CA13: variants seen among roughly 807,000 people sequenced by gnomAD.
CA13 encodes CA-XIII.
In CA13, 21 loss-of-function variants were observed where a neutral mutation model predicts 31.5. The observed-to-expected ratio is 0.67, with a 90% CI of 0.47 to 0.96. CA13 has a LOEUF of 0.96. CA13 is among the 40% of genes least tolerant of loss of function. CA13 has a pLI of 0.00. For synonymous variants in CA13, 117 were observed against 111.4 expected (o/e 1.05, Z -0.32); for missense variants, 315 against 318.9 (o/e 0.99, Z 0.09).
At chr8:85,261,779 G>T (rs1392717035) in intron 3 of CA13, among the ~76,000 whole-genome samples, 1 of 152,112 alleles carries the variant, frequency 6.6e-6, no homozygotes, top group Admixed American at 6.5e-5. Flanking sequence ...ATCTAACAAA[G>T]AAACTATGAC....
At chr8:85,269,538 G>C (rs1219367083) in intron 6 of CA13, among the ~76,000 whole-genome samples, 1 of 152,194 alleles carries the variant, frequency 6.6e-6, no homozygotes, top group Non-Finnish European at 1.5e-5. Flanking sequence ...GAATGAGAGG[G>C]AGAGGAGGAA....
At chr8:85,278,589 G>A (rs1022722395) in intron 6 of CA13, among the ~76,000 whole-genome samples, 16 of 152,202 alleles carry the variant, frequency 1.1e-4, no homozygotes, top group African/African-American at 2.9e-4. Context: ...CCACTAAAAT[G>A]ATACGATGTT....
intron 3 of CA13, among the ~76,000 whole-genome samples, chr8:85,260,240 T>G (rs941152322): frequency 6.6e-6 from 1 of 152,214 alleles, no homozygotes; most frequent in Non-Finnish European, 1.5e-5. Flanking sequence ...TTTTAATCCT[T>G]TGGTTAAAGA....
chr8:85,245,893 G>A (rs771258100), intron 1 of CA13, 28 bp downstream of exon 1: 9 of 1,613,854 alleles, frequency 5.6e-6, no homozygotes, highest in Admixed American at 1.7e-5. Context: ...ATCCAAGGGG[G>A]GGTTTGTGCG....
chr8:85,267,961 A>G lies in CA13; in HGVS notation c.510A>G (p.Glu170=). The change falls in exon 5 of 7, where the codon GAA becomes GAG. Residue 170 remains glutamate (E), a synonymous_variant. Coordinates refer to ENST00000321764, the MANE Select transcript of CA13 (RefSeq NM_198584.3). ...CTGACACTTTGGATTCCATTAAAGA[A>G]AAGGTAAAATGAATTACTGTTAATA... ...KITDTLDSIK[E]KGKQTRFTNF... The G allele has an allele frequency of 6.4e-7, 1 of 1,564,272 alleles. No individual in the cohort carries two copies. Among genetic ancestry groups the G allele is most frequent in the Non-Finnish European group, 8.8e-7 (1 of 1,138,566 alleles).
chr8:85,268,952 A>G (rs770825190), intron 6 of CA13, among the ~76,000 whole-genome samples: 1 of 152,132 alleles, frequency 6.6e-6, no homozygotes, highest in Non-Finnish European at 1.5e-5. Context: ...AAAATGAAAA[A>G]TGGGGATATA....
intron 3 of CA13, 42 bp downstream of exon 3, chr8:85,259,581 TG>T (rs1807350003): frequency 1.9e-6 from 3 of 1,546,018 alleles, no homozygotes; most frequent in Non-Finnish European, 2.7e-6. Context: ...TTTTCCCACA[TG>T]GTGGAATTTA....
At position 85,281,520 on chromosome 8, in the gene CA13, T is replaced by A. The variant is rs978572698; in HGVS notation, c.*171T>A. On this transcript the variant is annotated 3_prime_UTR_variant, in exon 7 of 7. Coordinates refer to ENST00000321764, the MANE Select transcript of CA13 (RefSeq NM_198584.3). ...ACCAGATCTCTCTCTCTTTTTTTTT[T>A]ATTTTTTTTAGTGATAGAGTCTCAC... 47 of 1,323,006 alleles carry A rather than the reference T, an allele frequency of 3.6e-5. No individual in the cohort carries two copies. In the Middle Eastern group the frequency reaches 9.0e-4, roughly 25 times the overall value. The allele number at this position is 1,323,006 out of a possible 1,614,324, so 82.0% of individuals were successfully genotyped here. A position where few individuals can be genotyped will look rare whatever the true frequency, so the allele number is the denominator to read the frequency against.
intron 1 of CA13, 26 bp downstream of exon 1, chr8:85,245,891 G>C (rs372593888): frequency 5.7e-5 from 92 of 1,614,080 alleles, no homozygotes; most frequent in Admixed American, 5.0e-4. Context: ...TGATCCAAGG[G>C]GGGGTTTGTG....
At position 85,281,411 on chromosome 8, in the gene CA13, C is replaced by G; in HGVS notation, c.*62C>G. On this transcript the variant is annotated 3_prime_UTR_variant, in exon 7 of 7. Coordinates refer to ENST00000321764, the MANE Select transcript of CA13 (RefSeq NM_198584.3). ...GGAGAGACAACAAAACAAAACAAAG[C>G]ACAAAAGTCTCTGCCAACAACTCTT... 6.4e-7 allele frequency: 1 copy of G among 1,567,808 alleles called. No homozygotes were observed.
At chr8:85,267,181 G>A (rs1428498399) in intron 4 of CA13, 3 of 892,244 alleles carry the variant, frequency 3.4e-6, no homozygotes, top group African/African-American at 1.8e-5. Flanking sequence ...GAACAGGTTG[G>A]GCTTCTCACC....
Position 85,259,329 on chromosome 8 carries a change from A to T in CA13, c.236-92A>T, listed in dbSNP as rs902645422. 23 of 959,926 alleles carry T rather than the reference A, an allele frequency of 2.4e-5. No homozygotes were observed. The African/African-American group carries it at 2.6e-4, about 11-fold the overall frequency. 59.5% of individuals were successfully genotyped at this position (959,926 alleles called of 1,614,324 possible). Reference sequence around the variant, plus strand: ...GTAAAAAATTCCTTGGAGGACATGGATGTATGGAGTAATTCAGGGAGATGT... The same window carrying T: ...GTAAAAAATTCCTTGGAGGACATGGTTGTATGGAGTAATTCAGGGAGATGT... On this transcript the variant is annotated intron_variant, in intron 2 of 6. Coordinates refer to ENST00000321764, the MANE Select transcript of CA13 (RefSeq NM_198584.3).
At chr8:85,255,315 T>A (rs1009754002) in intron 2 of CA13, among the ~76,000 whole-genome samples, 2 of 151,118 alleles carry the variant, frequency 1.3e-5, no homozygotes, top group African/African-American at 4.9e-5. Context: ...CAGGCTAGAG[T>A]GCAGTGGTGC....
intron 3 of CA13, among the ~76,000 whole-genome samples, chr8:85,266,193 A>T (rs928928450): frequency 2.0e-5 from 3 of 152,120 alleles, no homozygotes; most frequent in African/African-American, 7.2e-5. Context: ...CTTTTTTAAA[A>T]ATTTATTTAT....
intron 1 of CA13, among the ~76,000 whole-genome samples, chr8:85,250,073 AAG>A (rs1343156218): frequency 1.3e-5 from 2 of 152,244 alleles, no homozygotes; most frequent in African/African-American, 2.4e-5. Flanking sequence ...GAAATGAAGA[AAG>A]AGAGAAATAA....
At chr8:85,245,907 G>C in intron 1 of CA13, 42 bp downstream of exon 1, 1 of 1,612,310 alleles carries the variant, frequency 6.2e-7, no homozygotes, top group Non-Finnish European at 8.5e-7. Context: ...TTGTGCGGGG[G>C]ACGAGAGGAC....
At chr8:85,264,665 AT>A (rs1807432238) in intron 3 of CA13, among the ~76,000 whole-genome samples, 2 of 152,212 alleles carry the variant, frequency 1.3e-5, no homozygotes, top group African/African-American at 4.8e-5. Flanking sequence ...TTACACATTC[AT>A]TTTTTAATCA....
chr8:85,269,355 G>A (rs1807497080), intron 6 of CA13, among the ~76,000 whole-genome samples: 1 of 152,162 alleles, frequency 6.6e-6, no homozygotes, highest in Non-Finnish European at 1.5e-5. Flanking sequence ...AGGGGTTGAG[G>A]TGGGAGGATT....
intron 2 of CA13, 124 bp from the exon 3 acceptor site, chr8:85,259,297 C>T: frequency 1.4e-6 from 1 of 716,604 alleles, no homozygotes; most frequent in East Asian, 2.5e-5. Context: ...AAGCAAATGA[C>T]ACATTTGTAA....
Sources: allele counts gnomAD v4.1 joint callset (sites outside exome capture counted in the v4.1 genomes callset), GRCh38; gene constraint gnomAD v4.1.1; transcripts MANE v1.5; gene names NCBI Gene and HGNC (gene_info 2026-07-23, HGNC 2026-07-21).